CPEB1: variants seen among roughly 807,000 people sequenced by gnomAD.
CPEB1 encodes the protein cytoplasmic polyadenylation element-binding protein 1.
A neutral mutation model predicts 65.8 loss-of-function variants in CPEB1; 7 were observed. The ratio of observed to expected loss-of-function variants is 0.11; its 90% CI spans 0.06 to 0.20. The LOEUF (loss-of-function observed/expected upper bound fraction) is 0.20, where lower values mean the gene tolerates loss of function less well. Among genes scored for constraint, CPEB1 ranks in the 10% least tolerant of loss-of-function variants. CPEB1 has a pLI of 1.00. For missense variants in CPEB1, 551 were observed against 712.2 expected, an observed-to-expected ratio of 0.77 and a Z score of 2.58; for synonymous variants, 262 against 260.0, an observed-to-expected ratio of 1.01 and a Z score of -0.08.
chr15:82,592,907 G>A (rs1483123675), intron 3 of CPEB1, among the ~76,000 whole-genome samples: 1 of 152,132 alleles, frequency 6.6e-6, no homozygotes, highest in South Asian at 2.1e-4. Flanking sequence ...TGAGGCAGGA[G>A]AATCACCTGA....
chr15:82,562,490 A>G (rs931798476), intron 4 of CPEB1: 5 of 186,046 alleles, frequency 2.7e-5, no homozygotes, highest in African/African-American at 1.2e-4. Context: ...TTCCTAATCA[A>G]TTGCCTTATC....
At chr15:82,648,607 T>A (rs1343881331), upstream of CPEB1, 1 of 152,278 alleles carries the variant, frequency 6.6e-6, no homozygotes, top group Non-Finnish European at 1.5e-5. Flanking sequence ...GGGCAAGGGA[T>A]AGGGCGAGGG....
In CPEB1 at chr15:82,587,013, C is replaced by T. The variant is rs575056904; in HGVS notation, c.272-15481G>A. ...TTTAAGACAGTTTCAATAGTTGCCA[C>T]CCCCTAGTTGTAAAAAAGATTATCA... On this transcript the variant is annotated intron_variant, in intron 3 of 12. Coordinates refer to ENST00000684509, the MANE Select transcript of CPEB1 (RefSeq NM_001365242.1). 5.9e-4 allele frequency among the ~76,000 whole-genome samples: 89 copies of T among 152,102 alleles called. 1 individual carries two copies. In the South Asian group the frequency reaches 0.018, roughly 31 times the overall value.
intron 4 of CPEB1, among the ~76,000 whole-genome samples, chr15:82,560,464 C>T (rs1256344395): frequency 2.0e-5 from 3 of 149,728 alleles, no homozygotes; most frequent in African/African-American, 7.4e-5. Context: ...CAGTGGCTCA[C>T]TTCAACCTCA....
intron 3 of CPEB1, among the ~76,000 whole-genome samples, chr15:82,606,469 C>CA (rs1322114993): frequency 0.032 from 1,671 of 52,462 alleles, 33 homozygotes; most frequent in African/African-American, 0.058. Flanking sequence ...TACTCCGTCT[C>CA]AAAAAAAAAA....
intron 1 of CPEB1, among the ~76,000 whole-genome samples, chr15:82,639,566 C>A (rs2046936286): frequency 6.6e-6 from 1 of 151,824 alleles, no homozygotes; most frequent in Non-Finnish European, 1.5e-5. Context: ...TATCACTGTG[C>A]TACATATTAA....
intron 3 of CPEB1, among the ~76,000 whole-genome samples, chr15:82,587,678 TA>T (rs2041909834): frequency 6.6e-6 from 1 of 152,230 alleles, no homozygotes; most frequent in African/African-American, 2.4e-5. Flanking sequence ...AAAATTCAGA[TA>T]ATTTTAAGAA....
intron 1 of CPEB1, among the ~76,000 whole-genome samples, chr15:82,639,334 G>A (rs957782260): frequency 1.3e-5 from 2 of 152,070 alleles, no homozygotes; most frequent in Admixed American, 1.3e-4. Context: ...GCAAGACACA[G>A]AACATTTCCA....
intron 4 of CPEB1, among the ~76,000 whole-genome samples, chr15:82,561,373 G>A (rs2038170307): frequency 6.6e-6 from 1 of 152,142 alleles, no homozygotes; most frequent in East Asian, 1.9e-4. Context: ...GCATTCACCA[G>A]TAAAAAAAAG....
At chr15:82,575,865 A>G (rs777459253) in intron 3 of CPEB1, among the ~76,000 whole-genome samples, 8 of 152,186 alleles carry the variant, frequency 5.3e-5, no homozygotes, top group East Asian at 1.9e-4. Context: ...AAACGCTTAT[A>G]TATTTTCTTC....
intron 12 of CPEB1, among the ~76,000 whole-genome samples, chr15:82,545,129 G>A (rs1422222737): frequency 6.6e-6 from 1 of 152,178 alleles, no homozygotes; most frequent in African/African-American, 2.4e-5. Context: ...AGTGAGGAGA[G>A]GTGACTGGGT....
intron 3 of CPEB1, among the ~76,000 whole-genome samples, chr15:82,599,971 T>C (rs764553781): frequency 1.1e-4 from 16 of 151,946 alleles, no homozygotes; most frequent in Non-Finnish European, 1.9e-4. Flanking sequence ...GTAGAATAAA[T>C]ATTTAATTAC....
chr15:82,647,752 G>A (rs371834122), upstream of CPEB1: 1,894 of 1,054,230 alleles, frequency 1.8e-3, 79 homozygotes, highest in South Asian at 0.063. Flanking sequence ...CCCGCACGGG[G>A]CGGGGGATGG....
chr15:82,599,544 C>T (rs186829837), intron 3 of CPEB1, among the ~76,000 whole-genome samples: 379 of 152,122 alleles, frequency 2.5e-3, no homozygotes, highest in Non-Finnish European at 4.3e-3. Flanking sequence ...CAACAACAAG[C>T]GGAAACCAGG....
At chr15:82,609,270 T>A (rs2043911353) in intron 3 of CPEB1, among the ~76,000 whole-genome samples, 1 of 151,960 alleles carries the variant, frequency 6.6e-6, no homozygotes, top group South Asian at 2.1e-4. Context: ...GAGGCTGAGG[T>A]AGGAGGATCA....
chr15:82,604,658 CA>C (rs1469678727), intron 3 of CPEB1, among the ~76,000 whole-genome samples: 4 of 152,064 alleles, frequency 2.6e-5, no homozygotes, highest in African/African-American at 4.8e-5. Context: ...AAATTCACTA[CA>C]GGGGCTCAAC....
intron 12 of CPEB1, among the ~76,000 whole-genome samples, chr15:82,546,217 C>T (rs891153421): frequency 8.5e-5 from 13 of 152,102 alleles, no homozygotes; most frequent in Non-Finnish European, 1.5e-4. Flanking sequence ...TCAAGCTATT[C>T]GCCTGCCTCA....
At chr15:82,629,644 G>C (rs1259389118) in intron 1 of CPEB1, 27 of 985,382 alleles carry the variant, frequency 2.7e-5, no homozygotes, top group Non-Finnish European at 3.3e-5. Flanking sequence ...GACAGATTGA[G>C]TTTTTTAAGG....
At chr15:82,632,690 T>C (rs1221489006) in intron 1 of CPEB1, among the ~76,000 whole-genome samples, 3 of 151,730 alleles carry the variant, frequency 2.0e-5, no homozygotes, top group African/African-American at 7.3e-5. Flanking sequence ...AATTTTTTTT[T>C]TTAACTTTTT....
Sources: allele counts gnomAD v4.1 joint callset (sites outside exome capture counted in the v4.1 genomes callset), GRCh38; gene constraint gnomAD v4.1.1; transcripts MANE v1.5; gene names NCBI Gene and HGNC (gene_info 2026-07-23, HGNC 2026-07-21).